ZNF333: variants seen among roughly 807,000 people sequenced by gnomAD.
The protein encoded by ZNF333 is zinc finger protein 333.
ZNF333 carries 61 observed loss-of-function variants against 76.1 expected under a neutral mutation model. That is an observed-to-expected ratio of 0.80 (90% CI 0.65 to 0.99). ZNF333 has a LOEUF of 0.99. Among genes scored for constraint, ZNF333 ranks in the 50% least tolerant of loss-of-function variants. ZNF333 has a pLI of 0.00. For synonymous variants in ZNF333, 284 were observed against 305.0 expected (o/e 0.93, Z 0.72); for missense variants, 717 against 822.4 (o/e 0.87, Z 1.57).
At chr19:14,706,028 C>T (rs2042100810) in intron 6 of ZNF333, 2 of 450,364 alleles carry the variant, frequency 4.4e-6, no homozygotes, top group African/African-American at 4.0e-5. Flanking sequence ...GCATGTACCC[C>T]CCAACCTCCC....
At position 14,731,566 on chromosome 19, in the gene ZNF333, T is replaced by C; in HGVS notation, c.*380T>C. 1.5e-5 allele frequency: 3 copies of C among 201,856 alleles called. 1 individual carries two copies. The South Asian group carries it at 4.0e-4, about 27-fold the overall frequency. The allele number at this position is 201,856 out of a possible 1,614,324, so 12.5% of individuals were successfully genotyped here. On this transcript the variant is annotated 3_prime_UTR_variant, in exon 12 of 12. Coordinates refer to the ZNF333 transcript ENST00000540689. ...CTGGAGGGAGAGGGTTCTTCAAACGTGTACCCTAGCTCCTTTGTCTGCTGT... is the reference window on the plus strand; with the variant it reads ...CTGGAGGGAGAGGGTTCTTCAAACGCGTACCCTAGCTCCTTTGTCTGCTGT...
downstream of ZNF333, among the ~76,000 whole-genome samples, chr19:14,725,311 T>C (rs1051339400): frequency 2.0e-5 from 3 of 152,160 alleles, no homozygotes; most frequent in South Asian, 2.1e-4. Context: ...ATCTCCAATA[T>C]TGGGGATTAC....
At chr19:14,716,961 C>T (rs1377379388) in intron 9 of ZNF333, 33 bp from the exon 10 acceptor site, 7 of 1,581,758 alleles carry the variant, frequency 4.4e-6, no homozygotes, top group Non-Finnish European at 6.0e-6. Context: ...TGGCACAGTC[C>T]TCGCACAACA....
At chr19:14,699,089 A>C (rs1327510820) in intron 4 of ZNF333, 110 bp from the exon 5 acceptor site, 6 of 708,598 alleles carry the variant, frequency 8.5e-6, no homozygotes, top group Non-Finnish European at 1.4e-5. Context: ...GAAAAAGCCT[A>C]TGTGTGTATA....
Position 14,718,909 on chromosome 19 carries a change from C to A in ZNF333, c.1582C>A (p.His528Asn). ...TCATCTGAACGTGCACAAGAGGATA[C>A]ACACAGGGGAGAAACTGTATGAGTG... is the stretch of plus-strand genomic sequence containing the variant. ...STHLNVHKRI[H>N]TGEKLYECAT... Residue 528 changes from histidine (H) to asparagine (N), a missense_variant, in exon 12 of 12, where the codon CAC (histidine) becomes AAC (asparagine). Transcript: ENST00000292530. The A allele has an allele frequency of 6.2e-7, 1 of 1,614,160 alleles. No individual in the cohort carries two copies. The highest frequency in any genetic ancestry group is 8.5e-7 in the Non-Finnish European group (1 of 1,180,000).
rs769942635 is a variant in ZNF333 at position 14,718,559 on chromosome 19, G to A, written c.1232G>A (p.Arg411Gln). 7 of 1,614,092 alleles carry A rather than the reference G, an allele frequency of 4.3e-6. No homozygotes were observed. Among genetic ancestry groups the A allele is most frequent in the South Asian group, 3.3e-5 (3 of 91,068 alleles). The change falls in exon 12 of 12, where the codon CGA (arginine) becomes CAA (glutamine). Residue 411 changes from arginine to glutamine, a missense_variant. By Grantham distance (43) the Arg-to-Gln change is conservative. Coordinates refer to ENST00000292530, the MANE Select transcript of ZNF333 (RefSeq NM_032433.4). ...TTCAAATATTCCTCGAATCTCCGGCGACACATGAGAACCCATACCGGAGAG... is the reference window on the plus strand; with the variant it reads ...TTCAAATATTCCTCGAATCTCCGGCAACACATGAGAACCCATACCGGAGAG... ...QAFKYSSNLR[R>Q]HMRTHTGEKP...
rs1054190301 is a variant in ZNF333 at position 14,719,703 on chromosome 19, G to C, written c.*378G>C. 2 of 1,010,132 alleles carry C rather than the reference G, an allele frequency of 2.0e-6. No individual in the cohort carries two copies. Among genetic ancestry groups the C allele is most frequent in the African/African-American group, 3.5e-5 (2 of 57,776 alleles). 62.6% of individuals were successfully genotyped at this position (1,010,132 alleles called of 1,614,324 possible). ...ATTTCTTAGTTGCCTTTTTGTTGTT[G>C]GTTTCTAATTTAATTACATGGTGAG... is the stretch of plus-strand genomic sequence containing the variant. On this transcript the variant is annotated 3_prime_UTR_variant, in exon 12 of 12. Transcript: ENST00000292530.
intron 4 of ZNF333, among the ~76,000 whole-genome samples, chr19:14,698,893 A>AATATAG (rs1354736400): frequency 2.7e-5 from 3 of 113,064 alleles, no homozygotes; most frequent in Non-Finnish European, 5.3e-5. Flanking sequence ...CACACACACA[A>AATATAG]ATATAGATAT....
chr19:14,712,602 C>G (rs905936877), intron 7 of ZNF333, among the ~76,000 whole-genome samples: 6 of 152,076 alleles, frequency 3.9e-5, no homozygotes, highest in African/African-American at 1.4e-4. Flanking sequence ...GGGCCGTGCT[C>G]CCTCTGATGG....
rs769232223 is a variant in ZNF333, at chr19:14,717,007, C to A, written c.741C>A (p.Cys247Ter). 1 of 1,611,592 alleles carries A rather than the reference C, an allele frequency of 6.2e-7. No homozygotes were observed. Among genetic ancestry groups the A allele is most frequent in the Non-Finnish European group, 8.5e-7 (1 of 1,178,708 alleles). Residue 247 changes from cysteine (C) to a stop codon, truncating the protein, a stop_gained, in exon 10 of 12, where the codon TGC (cysteine) becomes TGA (stop). Transcript: ENST00000292530. LOFTEE classifies it high-confidence loss of function. ...RNLASVADQL[C>*]KPNALSYLEE... is the part of the protein sequence containing the mutation. ...TCTCATGAGCAGCTGATCAACTGTG[C>A]AAACCCAATGCGTTGTCTTATTTGG...
At position 14,698,933 on chromosome 19, in the gene ZNF333, T is replaced by C. The variant is rs558092505; in HGVS notation, c.224-266T>C. 5.1e-3 allele frequency among the ~76,000 whole-genome samples: 685 copies of C among 134,922 alleles called. 16 individuals carry two copies. The highest frequency in any genetic ancestry group is 0.015 in the African/African-American group (513 of 35,358). The allele number at this position is 134,922 out of a possible 152,430, so 88.5% of individuals were successfully genotyped here. ...ATATATATATATATATATATATATATATACACACATATATATTTTCAATTT... is the reference window on the plus strand; with the variant it reads ...ATATATATATATATATATATATATACATACACACATATATATTTTCAATTT... On this transcript the variant is annotated intron_variant, in intron 4 of 11. Transcript: ENST00000292530.
At chr19:14,692,884 A>G (rs3893728) in intron 1 of ZNF333, among the ~76,000 whole-genome samples, 67,027 of 150,092 alleles carry the variant, frequency 0.45, 16,353 homozygotes, top group East Asian at 0.71. Flanking sequence ...ATGCCGTGGC[A>G]CGATCTCAGT....
chr19:14,701,598 AAGAAAGG>A, intron 5 of ZNF333: 1 of 985,398 alleles, frequency 1.0e-6, no homozygotes, highest in South Asian at 4.7e-5. Context: ...ACCCCATGTG[AAGAAAGG>A]AGAGAGGGAG....
Position 14,717,709 on chromosome 19 carries a change from G to C in ZNF333, c.876G>C (p.Glu292Asp). Residue 292 changes from glutamate (E) to aspartate (D), a missense_variant, in exon 11 of 12, where the codon GAG becomes GAC. Transcript: ENST00000292530. ...TTCCTAGCCAAGATACTTTTACAGA[G>C]ATCCTGTCCATTGATGTGAAAGGGG... ...EAIPSQDTFTEILSIDVKGEQ... is the reference protein window; with the variant it reads ...EAIPSQDTFTDILSIDVKGEQ... 1 of 1,614,062 alleles carries C rather than the reference G, an allele frequency of 6.2e-7. No homozygotes were observed.
intron 11 of ZNF333, 126 bp from the exon 12 acceptor site, chr19:14,718,102 A>G (rs2042488799): frequency 4.7e-6 from 6 of 1,288,524 alleles, no homozygotes; most frequent in Middle Eastern, 2.6e-4. Context: ...TAGAAATGGT[A>G]TGGACTCCAT....
At chr19:14,706,230 G>A (rs1343840032) in intron 6 of ZNF333, 3 of 454,900 alleles carry the variant, frequency 6.6e-6, no homozygotes, top group South Asian at 4.7e-5. Flanking sequence ...TGCAAGTCAG[G>A]TCAGACGTGT....
intron 8 of ZNF333, among the ~76,000 whole-genome samples, chr19:14,715,845 C>T (rs992291263): frequency 1.3e-5 from 2 of 152,180 alleles, no homozygotes; most frequent in Non-Finnish European, 2.9e-5. Context: ...TTCCTGGCTC[C>T]TTGTCAATAG....
In ZNF333 at chr19:14,720,937, TACTG is replaced by T. The variant is rs1463166178; in HGVS notation, c.*1615_*1618del. 4.5e-6 allele frequency: 4 copies of T among 892,792 alleles called. No individual in the cohort carries two copies. The highest frequency in any genetic ancestry group is 5.3e-6 in the Non-Finnish European group (4 of 748,348). The allele number at this position is 892,792 out of a possible 1,614,324, so 55.3% of individuals were successfully genotyped here. On this transcript the variant is annotated 3_prime_UTR_variant, in exon 12 of 12. Coordinates refer to ENST00000292530, the MANE Select transcript of ZNF333 (RefSeq NM_032433.4). ...TTGAAGCAATGAAATTAAATATAGA[TACTG>T]ACATTTTTTACATTTCCAACAAATT...
At chr19:14,691,432 TG>T (rs1220979280) in intron 1 of ZNF333, among the ~76,000 whole-genome samples, 1 of 152,148 alleles carries the variant, frequency 6.6e-6, no homozygotes, top group Non-Finnish European at 1.5e-5. Flanking sequence ...TTTTTAATAA[TG>T]GGGTTAAAGC....
Sources: allele counts gnomAD v4.1 joint callset (sites outside exome capture counted in the v4.1 genomes callset), GRCh38; gene constraint gnomAD v4.1.1; transcripts MANE v1.5; gene names NCBI Gene and HGNC (gene_info 2026-07-23, HGNC 2026-07-21).